Variants in USH2A observed in about 807,000 individuals in gnomAD.
USH2A encodes the protein Usher syndrome 2A (autosomal recessive, mild).
A neutral mutation model predicts 538.9 loss-of-function variants in USH2A; 443 were observed. That is an observed-to-expected ratio of 0.82 (90% CI 0.76 to 0.89). The LOEUF (loss-of-function observed/expected upper bound fraction) is 0.89. Ranked by LOEUF, USH2A falls within the 40% of genes least tolerant of loss-of-function variation. The pLI is 0.00. For synonymous variants in USH2A, 2,413 were observed against 2,273.5 expected (o/e 1.06, Z -1.75); for missense variants, 6,633 against 6,324.8 (o/e 1.05, Z -1.65).
chr1:216,276,696 G>A (rs2102588761), intron 11 of USH2A, among the ~76,000 whole-genome samples: 1 of 152,232 alleles, frequency 6.6e-6, no homozygotes, highest in East Asian at 1.9e-4. Context: ...CACAATCATG[G>A]CAGAAGGCAA....
intron 61 of USH2A, among the ~76,000 whole-genome samples, chr1:215,702,142 T>C (rs1659044300): frequency 6.6e-6 from 1 of 152,224 alleles, no homozygotes; most frequent in Non-Finnish European, 1.5e-5. Context: ...TGTTGAATAT[T>C]GGCCCCCACT....
intron 21 of USH2A, among the ~76,000 whole-genome samples, chr1:216,169,097 C>A (rs72731371): frequency 1.3e-3 from 193 of 152,202 alleles, no homozygotes; most frequent in Middle Eastern, 6.8e-3. Context: ...GCAAGGAGAA[C>A]CCATTGAGTG....
At chr1:215,854,796 G>A (rs2102830746) in intron 44 of USH2A, among the ~76,000 whole-genome samples, 1 of 152,290 alleles carries the variant, frequency 6.6e-6, no homozygotes, top group East Asian at 1.9e-4. Context: ...ATGCAGATGG[G>A]TTCTCTACCT....
At chr1:216,171,565 CATA>C (rs1558296701) in intron 21 of USH2A, among the ~76,000 whole-genome samples, 2 of 152,126 alleles carry the variant, frequency 1.3e-5, no homozygotes, top group African/African-American at 4.8e-5. Flanking sequence ...GCTCCTGTCT[CATA>C]GTAGGCACTT....
chr1:216,270,755 G>A (rs192007097), intron 11 of USH2A, among the ~76,000 whole-genome samples: 16 of 150,784 alleles, frequency 1.1e-4, no homozygotes. Flanking sequence ...TGCTGCCTAG[G>A]CTGGAGTGCA....
intron 44 of USH2A, among the ~76,000 whole-genome samples, chr1:215,859,038 G>C (rs548447292): frequency 2.0e-4 from 31 of 152,022 alleles, no homozygotes; most frequent in Non-Finnish European, 4.1e-4. Context: ...CTCTGTGATC[G>C]GAGAAAGGGA....
intron 25 of USH2A, 54 bp from the exon 26 acceptor site, chr1:216,083,640 A>T: frequency 6.3e-7 from 1 of 1,583,156 alleles, no homozygotes; most frequent in Non-Finnish European, 8.6e-7. Flanking sequence ...TATTGCCAGC[A>T]TTGTAAGGGT....
chr1:216,340,698 C>T (rs1435539272), intron 4 of USH2A, among the ~76,000 whole-genome samples: 1 of 151,992 alleles, frequency 6.6e-6, no homozygotes, highest in Non-Finnish European at 1.5e-5. Flanking sequence ...TCAACATACA[C>T]AATCAATAAA....
intron 2 of USH2A, among the ~76,000 whole-genome samples, chr1:216,419,891 A>G (rs1296485826): frequency 1.3e-5 from 2 of 151,880 alleles, no homozygotes; most frequent in Non-Finnish European, 2.9e-5. Context: ...GGAGGTAAGA[A>G]TAAGATTGTA....
chr1:216,033,746 G>A lies in USH2A; in HGVS notation c.6325+12685C>T, dbSNP rs190114745. ...GGCCCCAGCTACTCGGGAGGCAAGA[G>A]GATCATTTGAGCCCAAGAGGTCGAG... is the stretch of plus-strand genomic sequence containing the variant. On this transcript the variant is annotated intron_variant, in intron 32 of 71. Coordinates refer to ENST00000307340, the MANE Select transcript of USH2A (RefSeq NM_206933.4). Among the ~76,000 whole-genome samples the A allele has an allele frequency of 7.9e-5, 12 of 152,212 alleles. No homozygotes were observed. The East Asian group carries it at 2.3e-3, about 29-fold the overall frequency.
chr1:215,819,675 C>T (rs915370145), intron 47 of USH2A, among the ~76,000 whole-genome samples: 64 of 151,904 alleles, frequency 4.2e-4, no homozygotes, highest in African/African-American at 1.4e-3. Context: ...CACAAAAGCT[C>T]GTGAACTAGT....
intron 14 of USH2A, among the ~76,000 whole-genome samples, chr1:216,225,261 A>T (rs1178183168): frequency 2.6e-5 from 4 of 152,214 alleles, no homozygotes; most frequent in African/African-American, 4.8e-5. Context: ...CATTCAAAAG[A>T]GGAATGGAAA....
At chr1:216,159,449 G>A (rs2034010353) in intron 21 of USH2A, among the ~76,000 whole-genome samples, 1 of 151,432 alleles carries the variant, frequency 6.6e-6, no homozygotes, top group Non-Finnish European at 1.5e-5. Context: ...TTTTTACTAT[G>A]TTAATGTGTT....
At chr1:216,293,601 G>A (rs1299481820) in intron 9 of USH2A, among the ~76,000 whole-genome samples, 2 of 152,094 alleles carry the variant, frequency 1.3e-5, no homozygotes, top group East Asian at 1.9e-4. Flanking sequence ...CTCCACTTAG[G>A]TTCAATCTGA....
At chr1:215,928,964 A>G (rs1257483283) in intron 38 of USH2A, among the ~76,000 whole-genome samples, 7 of 152,106 alleles carry the variant, frequency 4.6e-5, no homozygotes, top group African/African-American at 1.7e-4. Flanking sequence ...AAAAGCAAAC[A>G]TTTTATTTAG....
In USH2A at chr1:215,902,826, G is replaced by A. The variant is rs943035643; in HGVS notation, c.7301-1921C>T. Among the ~76,000 whole-genome samples, 3 of 152,098 alleles carry A rather than the reference G, an allele frequency of 2.0e-5. No homozygotes were observed. The East Asian group carries it at 5.8e-4, about 29-fold the overall frequency. ...GTAAGGAGGAAAACATTCTGGTTGT[G>A]TTTAAGGAACAGTGTGGCTAACACG... is the stretch of plus-strand genomic sequence containing the variant. On this transcript the variant is annotated intron_variant, in intron 38 of 71. Coordinates refer to ENST00000307340, the MANE Select transcript of USH2A (RefSeq NM_206933.4).
chr1:216,152,193 TAAG>T (rs1262330667), intron 21 of USH2A, among the ~76,000 whole-genome samples: 1 of 152,138 alleles, frequency 6.6e-6, no homozygotes, highest in Non-Finnish European at 1.5e-5. Flanking sequence ...TTTTTCTTAT[TAAG>T]AAGGCAGGAA....
chr1:216,121,411 C>CTT (rs35919271), intron 21 of USH2A, among the ~76,000 whole-genome samples: 1 of 151,472 alleles, frequency 6.6e-6, no homozygotes, highest in Admixed American at 6.6e-5. Flanking sequence ...TGGTTTTTTT[C>CTT]TTTTTTTTAA....
chr1:215,926,086 GAAGA>G (rs2102492505), intron 38 of USH2A, among the ~76,000 whole-genome samples: 1 of 152,014 alleles, frequency 6.6e-6, no homozygotes, highest in East Asian at 1.9e-4. Context: ...TACAATGCAT[GAAGA>G]AAGTGCAAGA....
Sources: gnomAD v4.1 joint callset for allele counts (sites outside exome capture counted in the v4.1 genomes callset) on GRCh38, gnomAD v4.1.1 for gene constraint, MANE v1.5 for transcripts, NCBI Gene and HGNC (gene_info 2026-07-23, HGNC 2026-07-21) for gene names.